CBR4: variants seen among roughly 807,000 people sequenced by gnomAD.
The protein encoded by CBR4 is 3-oxoacyl-[acyl-carrier-protein] reductase.
In CBR4, 22 loss-of-function variants were observed where a neutral mutation model predicts 21.0. That is an observed-to-expected ratio of 1.05 (90% CI 0.75 to 1.50). The LOEUF (loss-of-function observed/expected upper bound fraction) is 1.50. Ranked by LOEUF, CBR4 falls within the 40% of genes most tolerant of loss-of-function variation. The pLI, the probability that CBR4 is intolerant of heterozygous loss-of-function variation, is 0.00. For missense variants in CBR4, 302 were observed against 286.3 expected, an observed-to-expected ratio of 1.05 and a Z score of -0.40; for synonymous variants, 100 against 104.4, an observed-to-expected ratio of 0.96 and a Z score of 0.26.
At chr4:169,004,270 T>C (rs1429764760) in intron 3 of CBR4, among the ~76,000 whole-genome samples, 1 of 152,146 alleles carries the variant, frequency 6.6e-6, no homozygotes, top group African/African-American at 2.4e-5. Context: ...ACAAAGTATT[T>C]ACATTTTTTT....
intron 2 of CBR4, 145 bp downstream of exon 2, chr4:169,007,491 T>C: frequency 4.6e-6 from 2 of 438,966 alleles, no homozygotes; most frequent in Non-Finnish European, 7.5e-6. Flanking sequence ...TAAAGGAAAA[T>C]AATTTATGGA....
At chr4:168,990,467 C>CAAA in intron 4 of CBR4, 139 bp from the exon 5 acceptor site, 1 of 674,624 alleles carries the variant, frequency 1.5e-6, no homozygotes, top group Non-Finnish European at 2.2e-6. Flanking sequence ...GACAGGGTCT[C>CAAA]ACTCTGTCAC....
chr4:168,951,375 G>A (rs1763536656), intron 2 of CBR4, among the ~76,000 whole-genome samples: 1 of 152,158 alleles, frequency 6.6e-6, no homozygotes, highest in African/African-American at 2.4e-5. Context: ...TCTTTTAAGT[G>A]GATCATTTAG....
intron 2 of CBR4, among the ~76,000 whole-genome samples, chr4:168,966,448 A>G (rs1764034366): frequency 6.7e-6 from 1 of 149,830 alleles, no homozygotes; most frequent in Admixed American, 6.7e-5. Context: ...AATGGTGTGA[A>G]CCCGGGAGGT....
rs60552620 is a variant in CBR4, at chr4:169,002,212, C to CAAAAAAAAAAA, written c.401-18_401-8dup. The CAAAAAAAAAAA allele has an allele frequency of 1.4e-6, 1 of 737,132 alleles. No homozygotes were observed. Among genetic ancestry groups the CAAAAAAAAAAA allele is most frequent in the African/African-American group, 3.0e-5 (1 of 32,994 alleles). 45.7% of individuals were successfully genotyped at this position (737,132 alleles called of 1,614,324 possible). The stretch of plus-strand genomic sequence containing the variant: ...TTTAAGCCAACAATGCTTCCTAGGA[C>CAAAAAAAAAAA]AAAAAAAAAAAAAAAAAAAAAAAAA... On this transcript the variant is annotated splice_region_variant and splice_polypyrimidine_tract_variant and intron_variant, in intron 3 of 4. Coordinates refer to ENST00000306193, the MANE Select transcript of CBR4 (RefSeq NM_032783.5).
At chr4:168,899,566 T>A (rs1468184721) in intron 2 of CBR4, among the ~76,000 whole-genome samples, 1 of 152,070 alleles carries the variant, frequency 6.6e-6, no homozygotes, top group Non-Finnish European at 1.5e-5. Flanking sequence ...TGAGGAGAGT[T>A]GTGTTAGGCC....
At chr4:168,982,075 A>T (rs182036007) in intron 2 of CBR4, among the ~76,000 whole-genome samples, 102 of 152,340 alleles carry the variant, frequency 6.7e-4, no homozygotes, top group African/African-American at 2.3e-3. Context: ...AACAATATTA[A>T]TCTTGAATGT....
Position 168,988,428 on chromosome 4 carries a change from T to A in CBR4, c.*1722A>T, listed in dbSNP as rs966046805. On this transcript the variant is annotated 3_prime_UTR_variant, in exon 5 of 5. Transcript: ENST00000306193. ...CCAATTGAATCAGCCTCGCTCATGATTTCAGAGCATAAGGTGTCCAGAGAA... is the reference window on the plus strand; with the variant it reads ...CCAATTGAATCAGCCTCGCTCATGAATTCAGAGCATAAGGTGTCCAGAGAA... The A allele has an allele frequency of 1.0e-6, 1 of 985,300 alleles. No individual in the cohort carries two copies. The highest frequency in any genetic ancestry group is 1.7e-5 in the African/African-American group (1 of 57,236). 61.0% of individuals were successfully genotyped at this position (985,300 alleles called of 1,614,324 possible). A position where few individuals can be genotyped will look rare whatever the true frequency, so the allele number is the denominator to read the frequency against.
chr4:168,974,593 T>C (rs1476527942), intron 2 of CBR4, among the ~76,000 whole-genome samples: 1 of 152,086 alleles, frequency 6.6e-6, no homozygotes, highest in East Asian at 1.9e-4. Flanking sequence ...TCTTGGAGGC[T>C]TTGTTCATTT....
intron 2 of CBR4, among the ~76,000 whole-genome samples, chr4:168,902,436 G>C (rs1756722360): frequency 6.6e-6 from 1 of 152,176 alleles, no homozygotes; most frequent in Admixed American, 6.6e-5. Flanking sequence ...GATTCATTAT[G>C]ATGGGCCTAT....
chr4:168,969,863 T>C (rs1764151193), intron 2 of CBR4, among the ~76,000 whole-genome samples: 1 of 152,166 alleles, frequency 6.6e-6, no homozygotes, highest in African/African-American at 2.4e-5. Context: ...AAATGATGCA[T>C]TTAAAAAAAG....
intron 4 of CBR4, among the ~76,000 whole-genome samples, chr4:168,999,479 A>G (rs1160010738): frequency 6.6e-6 from 1 of 152,070 alleles, no homozygotes; most frequent in Non-Finnish European, 1.5e-5. Context: ...CTAAATATAC[A>G]TAAAGGCCAC....
At chr4:169,008,869 A>C in intron 1 of CBR4, 1 of 407,942 alleles carries the variant, frequency 2.5e-6, no homozygotes, top group South Asian at 1.7e-5. Flanking sequence ...TTTCTTTTAG[A>C]GAGCCCAATA....
intron 4 of CBR4, among the ~76,000 whole-genome samples, chr4:168,996,278 T>C (rs1765197931): frequency 6.6e-6 from 1 of 152,194 alleles, no homozygotes; most frequent in Non-Finnish European, 1.5e-5. Context: ...GACATGAACA[T>C]GTCCAAAGAG....
intron 2 of CBR4, chr4:168,916,164 G>A: frequency 2.3e-6 from 2 of 863,472 alleles, no homozygotes; most frequent in Non-Finnish European, 3.9e-6. Context: ...TATAATCCCA[G>A]CACTTTAGAG....
At chr4:168,899,683 G>A (rs751386108) in intron 2 of CBR4, among the ~76,000 whole-genome samples, 14 of 152,124 alleles carry the variant, frequency 9.2e-5, no homozygotes, top group Non-Finnish European at 1.9e-4. Context: ...TTGCGAGGCC[G>A]AGATGGGTGG....
chr4:168,974,949 G>A (rs1764323884), intron 2 of CBR4, among the ~76,000 whole-genome samples: 1 of 152,162 alleles, frequency 6.6e-6, no homozygotes, highest in East Asian at 1.9e-4. Context: ...TGGAGAGCTA[G>A]TGTGATCTCC....
intron 2 of CBR4, among the ~76,000 whole-genome samples, chr4:168,946,559 A>C (rs1763400122): frequency 3.3e-5 from 5 of 152,046 alleles, no homozygotes; most frequent in Admixed American, 3.3e-4. Flanking sequence ...CATTAAAATG[A>C]TCCACAAAAA....
intron 2 of CBR4, among the ~76,000 whole-genome samples, chr4:168,925,778 G>A (rs905108267): frequency 1.3e-5 from 2 of 152,150 alleles, no homozygotes; most frequent in Non-Finnish European, 2.9e-5. Flanking sequence ...ATCAAGAAAT[G>A]TGTGGCCTCA....
Sources: gnomAD v4.1 joint callset for allele counts (sites outside exome capture counted in the v4.1 genomes callset) on GRCh38, gnomAD v4.1.1 for gene constraint, MANE v1.5 for transcripts, NCBI Gene and HGNC (gene_info 2026-07-23, HGNC 2026-07-21) for gene names.